IPO11: variants seen among roughly 807,000 people sequenced by gnomAD.
IPO11 encodes importin-11.
Under a neutral mutation model 143.2 loss-of-function variants are expected in IPO11, and 66 were observed. The ratio of observed to expected loss-of-function variants is 0.46; its 90% confidence interval spans 0.38 to 0.57. IPO11 has a LOEUF of 0.57. Ranked by LOEUF, IPO11 falls within the 20% of genes least tolerant of loss-of-function variation. The probability of loss-of-function intolerance (pLI) is 0.00; values close to 1 mark genes in which losing one functional copy is unlikely to be tolerated. For synonymous variants in IPO11, 385 were observed against 377.8 expected, an observed-to-expected ratio of 1.02 and a Z score of -0.22; for missense variants, 1,026 against 1,141.0, an observed-to-expected ratio of 0.90 and a Z score of 1.45.
intron 5 of IPO11, among the ~76,000 whole-genome samples, chr5:62,460,165 T>G (rs561268011): frequency 6.6e-6 from 1 of 152,334 alleles, no homozygotes; most frequent in East Asian, 1.9e-4. Context: ...AAAAAGTAAT[T>G]TAATATCATT....
intron 27 of IPO11, among the ~76,000 whole-genome samples, chr5:62,561,614 C>G (rs928235205): frequency 6.6e-6 from 1 of 152,158 alleles, no homozygotes; most frequent in Non-Finnish European, 1.5e-5. Flanking sequence ...AATAGCACTT[C>G]ATAAAGTATG....
In IPO11 at chr5:62,613,754, G is replaced by A. The variant is rs190456629; in HGVS notation, c.2763+11906G>A. Among the ~76,000 whole-genome samples the A allele has an allele frequency of 4.5e-3, 687 of 152,174 alleles. 6 individuals are homozygous for A. The highest frequency in any genetic ancestry group is 6.4e-3 in the Non-Finnish European group (438 of 68,002). On this transcript the variant is annotated intron_variant, in intron 29 of 29. Transcript: ENST00000325324. The stretch of plus-strand genomic sequence containing the variant: ...ATAGAGCTTCCACCTGGTTCTCTAA[G>A]GACACTTGTACTTGGAAACCAGCCA...
rs546680169 is a variant in IPO11, at chr5:62,435,857, C to T, written c.-6-1417C>T. 1.9e-4 allele frequency among the ~76,000 whole-genome samples: 29 copies of T among 151,910 alleles called. 2 individuals are homozygous for T. The South Asian group carries it at 5.6e-3, about 30-fold the overall frequency. ...CAGCCTGGCCAACGTGGTGAAACCC[C>T]GTCTCTACTAAAAATACAAAAATTA... On this transcript the variant is annotated intron_variant, in intron 1 of 29. Coordinates refer to ENST00000325324, the MANE Select transcript of IPO11 (RefSeq NM_016338.5).
chr5:62,450,191 T>C (rs1376353624), intron 4 of IPO11, among the ~76,000 whole-genome samples, 192 bp downstream of exon 4: 4 of 152,242 alleles, frequency 2.6e-5, no homozygotes, highest in Non-Finnish European at 5.9e-5. Flanking sequence ...TTGGTTATTA[T>C]TTAAAGCCCA....
Position 62,484,180 on chromosome 5 carries a change from A to T in IPO11, c.1174+18A>T. ...AGGCTTTAGTAAGAATTAATTTTTT[A>T]GTGTTAGAATGACTTTTCTCCCCTT... On this transcript the variant is annotated intron_variant, in intron 11 of 29. Transcript: ENST00000325324. 1 of 1,575,296 alleles carries T rather than the reference A, an allele frequency of 6.3e-7. No homozygotes were observed. The highest frequency in any genetic ancestry group is 1.2e-5 in the South Asian group (1 of 84,082).
At chr5:62,577,903 A>G (rs1373745110) in intron 27 of IPO11, among the ~76,000 whole-genome samples, 1 of 152,138 alleles carries the variant, frequency 6.6e-6, no homozygotes, top group Middle Eastern at 3.2e-3. Flanking sequence ...AATATTAATA[A>G]AAGTCAGAAT....
At chr5:62,460,914 G>A (rs975871278) in intron 5 of IPO11, among the ~76,000 whole-genome samples, 4 of 152,098 alleles carry the variant, frequency 2.6e-5, no homozygotes, top group African/African-American at 9.7e-5. Context: ...GTATCAGTTG[G>A]TGTTTTCTGG....
At chr5:62,434,983 C>T (rs951024997) in intron 1 of IPO11, among the ~76,000 whole-genome samples, 5 of 149,664 alleles carry the variant, frequency 3.3e-5, no homozygotes, top group African/African-American at 1.2e-4. Flanking sequence ...TGAGATTGCA[C>T]CACTGCACTG....
chr5:62,612,192 A>G (rs1273271531), intron 29 of IPO11, among the ~76,000 whole-genome samples: 1 of 152,188 alleles, frequency 6.6e-6, no homozygotes, highest in African/African-American at 2.4e-5. Context: ...GAACTGCATA[A>G]TTCAGTGAAC....
chr5:62,605,329 A>G (rs986925412), intron 29 of IPO11, among the ~76,000 whole-genome samples: 7 of 152,206 alleles, frequency 4.6e-5, no homozygotes, highest in Admixed American at 1.3e-4. Flanking sequence ...AATTTTCCAT[A>G]CGTTTCTGAG....
chr5:62,517,987 G>T (rs537381527), intron 20 of IPO11, among the ~76,000 whole-genome samples: 46 of 152,074 alleles, frequency 3.0e-4, no homozygotes, highest in African/African-American at 1.1e-3. Flanking sequence ...ATATTTTTCA[G>T]CCGTTTGGGA....
chr5:62,616,412 A>T (rs1442559688), intron 29 of IPO11, among the ~76,000 whole-genome samples: 6 of 152,150 alleles, frequency 3.9e-5, no homozygotes, highest in Non-Finnish European at 7.3e-5. Flanking sequence ...AACATTTAAA[A>T]ATATATATAC....
chr5:62,475,619 A>T (rs1446199729), intron 8 of IPO11, among the ~76,000 whole-genome samples: 1 of 152,234 alleles, frequency 6.6e-6, no homozygotes, highest in African/African-American at 2.4e-5. Flanking sequence ...AATATTGTCT[A>T]TAGACTATAT....
chr5:62,522,592 T>C (rs1345767790), intron 20 of IPO11, among the ~76,000 whole-genome samples: 3 of 152,182 alleles, frequency 2.0e-5, no homozygotes, highest in Non-Finnish European at 4.4e-5. Context: ...GCCATAATTG[T>C]GTGTTTTTCT....
intron 26 of IPO11, among the ~76,000 whole-genome samples, chr5:62,554,293 T>C (rs1210542202): frequency 1.3e-5 from 2 of 152,206 alleles, no homozygotes; most frequent in Non-Finnish European, 2.9e-5. Context: ...GAATCCCATT[T>C]GTCTATTTTT....
intron 5 of IPO11, among the ~76,000 whole-genome samples, chr5:62,455,249 G>A (rs769888439): frequency 6.6e-6 from 1 of 152,132 alleles, no homozygotes; most frequent in Non-Finnish European, 1.5e-5. Context: ...AAATGTAAGG[G>A]CTGGGCTCAC....
chr5:62,431,434 G>C (rs1160879160), intron 1 of IPO11, among the ~76,000 whole-genome samples: 1 of 151,978 alleles, frequency 6.6e-6, no homozygotes, highest in Non-Finnish European at 1.5e-5. Flanking sequence ...CTGTCACCCA[G>C]GTTGGAGTGC....
chr5:62,626,114 C>T (rs1405682678), intron 29 of IPO11, among the ~76,000 whole-genome samples: 1 of 152,166 alleles, frequency 6.6e-6, no homozygotes, highest in Non-Finnish European at 1.5e-5. Flanking sequence ...ACTGCAACCT[C>T]CGCATCCCAG....
chr5:62,434,234 A>G (rs747487981), intron 1 of IPO11, among the ~76,000 whole-genome samples: 24 of 151,906 alleles, frequency 1.6e-4, no homozygotes, highest in Non-Finnish European at 2.8e-4. Flanking sequence ...TCTCTCATAA[A>G]TGTCACTTCT....
Sources: gnomAD v4.1 joint callset for allele counts (sites outside exome capture counted in the v4.1 genomes callset) on GRCh38, gnomAD v4.1.1 for gene constraint, MANE v1.5 for transcripts, NCBI Gene and HGNC (gene_info 2026-07-23, HGNC 2026-07-21) for gene names.